Variants in NAMPT observed in about 807,000 individuals in gnomAD.
The protein encoded by NAMPT is nicotinamide phosphoribosyltransferase, also known as NAmPRTase.
In NAMPT, 7 loss-of-function variants were observed where a neutral mutation model predicts 58.7. The ratio of observed to expected loss-of-function variants is 0.12; its 90% confidence interval spans 0.07 to 0.22. The LOEUF (loss-of-function observed/expected upper bound fraction) is 0.22, where lower values mean the gene tolerates loss of function less well. Among genes scored for constraint, NAMPT ranks in the 10% least tolerant of loss-of-function variants. The pLI is 1.00. For missense variants in NAMPT, 271 were observed against 567.9 expected (o/e 0.48, Z 5.31); for synonymous variants, 145 against 198.1 (o/e 0.73, Z 2.25).
intron 8 of NAMPT, among the ~76,000 whole-genome samples, chr7:106,257,483 GAGTC>G (rs1792223380): frequency 2.3e-5 from 3 of 129,128 alleles, no homozygotes; most frequent in African/African-American, 8.6e-5. Flanking sequence ...AAAAAAAAAA[GAGTC>G]AGGTGTGGTG....
rs1446892697 is a variant in NAMPT at position 106,277,923 on chromosome 7, A to ATACTT, written c.58-749_58-745dup. Among the ~76,000 whole-genome samples, 5 of 152,354 alleles carry ATACTT rather than the reference A, an allele frequency of 3.3e-5. No homozygotes were observed. The East Asian group carries it at 9.6e-4, about 29-fold the overall frequency. On this transcript the variant is annotated intron_variant, in intron 1 of 10. Coordinates refer to ENST00000222553, the MANE Select transcript of NAMPT (RefSeq NM_005746.3). ...AAAAAGTAAAAAGTGAGTGTTCATTATACTTTTAATATGGTTAAAACATGG... is the reference window on the plus strand; with the variant it reads ...AAAAAGTAAAAAGTGAGTGTTCATTATACTTTACTTTTAATATGGTTAAAACATGG...
chr7:106,250,772 T>C lies in NAMPT; in HGVS notation c.*311A>G, dbSNP rs574515705. On this transcript the variant is annotated 3_prime_UTR_variant, in exon 11 of 11. Transcript: ENST00000222553. ...CATGGTAATTTTATGCAAATCTGTT[T>C]TATGTGATCATCAGTTATATATAAA... 1.3e-3 allele frequency: 328 copies of C among 248,960 alleles called. 1 individual carries two copies. The highest frequency in any genetic ancestry group is 5.0e-3 in the Admixed American group (88 of 17,772). 15.4% of individuals were successfully genotyped at this position (248,960 alleles called of 1,614,324 possible). A position where few individuals can be genotyped will look rare whatever the true frequency, so the allele number is the denominator to read the frequency against.
In NAMPT at chr7:106,252,610, G is replaced by C. The variant is rs959611766; in HGVS notation, c.1365+407C>G. On this transcript the variant is annotated intron_variant, in intron 10 of 10. Transcript: ENST00000222553. ...TATGCTAAAGACCATTAGATCATATGAACTACTTTAGTGTACTGTAAATTT... is the reference window on the plus strand; with the variant it reads ...TATGCTAAAGACCATTAGATCATATCAACTACTTTAGTGTACTGTAAATTT... 2.6e-5 allele frequency among the ~76,000 whole-genome samples: 4 copies of C among 152,138 alleles called. No individual in the cohort carries two copies. The East Asian group carries it at 7.7e-4, about 29-fold the overall frequency.
chr7:106,269,382 C>A, intron 4 of NAMPT, 70 bp from the exon 5 acceptor site: 1 of 1,152,806 alleles, frequency 8.7e-7, no homozygotes. Context: ...AAAATCCTAG[C>A]TTTTTTTTTT....
At chr7:106,273,520 G>A (rs1001581199) in intron 3 of NAMPT, among the ~76,000 whole-genome samples, 1 of 152,180 alleles carries the variant, frequency 6.6e-6, no homozygotes, top group African/African-American at 2.4e-5. Context: ...CTCAAAAGCA[G>A]CGGGGAGACC....
upstream of NAMPT, chr7:106,285,012 G>A (rs1792844511): frequency 1.4e-6 from 2 of 1,447,878 alleles, no homozygotes; most frequent in African/African-American, 1.4e-5. Flanking sequence ...GGGGAGAGGG[G>A]GAAACGGAGA....
chr7:106,279,308 C>A (rs146081205), intron 1 of NAMPT, among the ~76,000 whole-genome samples: 4 of 152,108 alleles, frequency 2.6e-5, no homozygotes, highest in African/African-American at 9.7e-5. Flanking sequence ...ATATAGCTAA[C>A]GCATCTAAGT....
intron 2 of NAMPT, 150 bp from the exon 3 acceptor site, chr7:106,275,199 C>G (rs1348180638): frequency 2.2e-6 from 1 of 454,252 alleles, no homozygotes; most frequent in Non-Finnish European, 4.0e-6. Context: ...GAGTCAACAG[C>G]AGAGTCAGAA....
intron 2 of NAMPT, 117 bp from the exon 3 acceptor site, chr7:106,275,166 C>CT (rs1273575066): frequency 1.7e-6 from 1 of 588,670 alleles, no homozygotes; most frequent in African/African-American, 1.9e-5. Context: ...AAAAATATAA[C>CT]TAAGAGGTTA....
intron 2 of NAMPT, 92 bp downstream of exon 2, chr7:106,276,931 C>T: frequency 1.9e-6 from 2 of 1,029,608 alleles, no homozygotes; most frequent in East Asian, 4.9e-5. Flanking sequence ...TTAATGCATC[C>T]AAATTAACAG....
rs545230638 is a variant in NAMPT, at chr7:106,275,071, G to A, written c.215-22C>T. Reference sequence around the variant, plus strand: ...TTACCTAGAAGAATATACATGTCCTGTTTACATTTCTAAAGGTGCATTCTG... The same window carrying A: ...TTACCTAGAAGAATATACATGTCCTATTTACATTTCTAAAGGTGCATTCTG... On this transcript the variant is annotated intron_variant, in intron 2 of 10. Transcript: ENST00000222553. 56 of 1,448,122 alleles carry A rather than the reference G, an allele frequency of 3.9e-5. No individual in the cohort carries two copies. In the South Asian group the frequency reaches 6.0e-4, roughly 16 times the overall value. The allele number at this position is 1,448,122 out of a possible 1,614,324, so 89.7% of individuals were successfully genotyped here.
intron 2 of NAMPT, 42 bp downstream of exon 2, chr7:106,276,981 G>C (rs2115820195): frequency 6.9e-7 from 1 of 1,444,632 alleles, no homozygotes; most frequent in Non-Finnish European, 9.7e-7. Context: ...AAGGAGTTAA[G>C]AGTAATAAGC....
intron 1 of NAMPT, among the ~76,000 whole-genome samples, chr7:106,283,193 A>G (rs1409861796): frequency 6.6e-6 from 1 of 152,192 alleles, no homozygotes; most frequent in Non-Finnish European, 1.5e-5. Context: ...GTCTGACTTG[A>G]AAGTTGACAG....
intron 6 of NAMPT, among the ~76,000 whole-genome samples, 169 bp from the exon 7 acceptor site, chr7:106,263,786 C>A (rs1792359158): frequency 6.6e-6 from 1 of 152,066 alleles, no homozygotes; most frequent in Admixed American, 6.5e-5. Flanking sequence ...GTAGCTGGGT[C>A]AACCATACCT....
At chr7:106,272,709 C>G (rs41430346) in intron 3 of NAMPT, 51 bp from the exon 4 acceptor site, 30,775 of 1,594,120 alleles carry the variant, frequency 0.019, 423 homozygotes, top group African/African-American at 0.06. Flanking sequence ...ATACTCAATT[C>G]CCTGCTGTTT....
chr7:106,276,351 C>T (rs1366161793), intron 2 of NAMPT: 2 of 152,116 alleles, frequency 1.3e-5, no homozygotes, highest in African/African-American at 4.8e-5. Flanking sequence ...GCATTTGCAA[C>T]TAAGTCCAGA....
At chr7:106,285,097 C>T (rs1013159882), upstream of NAMPT, 3 of 1,351,800 alleles carry the variant, frequency 2.2e-6, no homozygotes, top group African/African-American at 3.0e-5. Context: ...GGCTCGCGTG[C>T]TCGCAGTCTG....
intron 9 of NAMPT, 110 bp from the exon 10 acceptor site, chr7:106,253,261 C>A (rs946852635): frequency 8.5e-7 from 1 of 1,173,624 alleles, no homozygotes. Context: ...GTTTTAAGCA[C>A]TTAATAGGTA....
chr7:106,260,030 C>T lies in NAMPT; in HGVS notation c.1089+1558G>A, dbSNP rs1047198573. ...GTAGATTCAGCAAATTCTAAGGGTC[C>T]TAGGATTATCAGAATGATAAATGAG... On this transcript the variant is annotated intron_variant, in intron 8 of 10. Transcript: ENST00000222553. 7.9e-5 allele frequency among the ~76,000 whole-genome samples: 12 copies of T among 152,150 alleles called. No homozygotes were observed. In the South Asian group the frequency reaches 2.1e-3, roughly 26 times the overall value.
Sources: allele counts gnomAD v4.1 joint callset (sites outside exome capture counted in the v4.1 genomes callset), GRCh38; gene constraint gnomAD v4.1.1; transcripts MANE v1.5; gene names NCBI Gene and HGNC (gene_info 2026-07-23, HGNC 2026-07-21).